Variants in CCNL2 observed in about 807,000 individuals in gnomAD.
The protein encoded by CCNL2 is cyclin L2.
A neutral mutation model predicts 59.1 loss-of-function variants in CCNL2; 28 were observed. The observed-to-expected ratio is 0.47, with a 90% confidence interval of 0.35 to 0.65. The LOEUF is 0.65. Among genes scored for constraint, CCNL2 ranks in the 30% least tolerant of loss-of-function variants. CCNL2 has a pLI of 0.00. For missense variants in CCNL2, 714 were observed against 717.4 expected (o/e 1.00, Z 0.05); for synonymous variants, 342 against 288.6 (o/e 1.19, Z -1.88).
chr1:1,391,531 G>A (rs570719841), intron 5 of CCNL2: 12 of 1,304,720 alleles, frequency 9.2e-6, no homozygotes, highest in East Asian at 5.6e-5. Context: ...GCCTCTTCTC[G>A]GGCTCATCAG....
At chr1:1,390,093 G>A in intron 8 of CCNL2, 137 bp downstream of exon 8, 2 of 797,742 alleles carry the variant, frequency 2.5e-6, no homozygotes, top group Non-Finnish European at 4.0e-6. Flanking sequence ...ACTCCAGCCT[G>A]GGTGACAGAG....
rs1390163755 is a variant in CCNL2, at chr1:1,387,191, C to G, written c.*40G>C. The G allele has an allele frequency of 2.6e-6, 4 of 1,547,274 alleles. No homozygotes were observed. The East Asian group carries it at 9.0e-5, about 35-fold the overall frequency. ...CAAAGGGCAGCCATCAGGTACTCCC[C>G]AGGGAAGGGCTTGCGGCCACCAGTC... On this transcript the variant is annotated 3_prime_UTR_variant, in exon 11 of 11. Transcript: ENST00000400809.
At chr1:1,398,148 T>C (rs1645149282) in intron 3 of CCNL2, 85 bp downstream of exon 3, 1 of 1,282,878 alleles carries the variant, frequency 7.8e-7, no homozygotes, top group South Asian at 1.3e-5. Context: ...AGGCCTGTAT[T>C]GTGTTATACA....
chr1:1,390,300 G>T lies in CCNL2; in HGVS notation c.936C>A (p.Ala312=). 3 of 1,613,960 alleles carry T rather than the reference G, an allele frequency of 1.9e-6. No homozygotes were observed. The highest frequency in any genetic ancestry group is 2.5e-6 in the Non-Finnish European group (3 of 1,179,930). Residue 312 remains alanine (A), a synonymous_variant, in exon 8 of 11, where the codon GCC becomes GCA. Transcript: ENST00000400809. Reference sequence around the variant, plus strand: ...GTGTGCCCCCAGGCAACAGGCCCCGGGCTTGGGCCTTTGCCTCTTCGATAG... The same window carrying T: ...GTGTGCCCCCAGGCAACAGGCCCCGTGCTTGGGCCTTTGCCTCTTCGATAG... ...KHAIEEAKAQ[A]RGLLPGGTQV...
In CCNL2 at chr1:1,396,810, C is replaced by G. The variant is rs868369532; in HGVS notation, c.474-1296G>C. On this transcript the variant is annotated intron_variant, in intron 3 of 10. Transcript: ENST00000400809. ...GTCGCCCAGGCTGGAGTGCAGTGGC[C>G]CGATCTCAGCTCACTGCAAGCTCCA... is the stretch of plus-strand genomic sequence containing the variant. Among the ~76,000 whole-genome samples, 9 of 150,088 alleles carry G rather than the reference C, an allele frequency of 6.0e-5. No homozygotes were observed. The South Asian group carries it at 1.3e-3, about 21-fold the overall frequency.
At chr1:1,396,181 T>A (rs1645009216) in intron 3 of CCNL2, among the ~76,000 whole-genome samples, 1 of 99,520 alleles carries the variant, frequency 1.0e-5, no homozygotes, top group African/African-American at 4.4e-5. Context: ...ACAGTGAGAG[T>A]CCGTCTCAGA....
chr1:1,391,645 A>G (rs952599671), intron 5 of CCNL2: 14 of 857,078 alleles, frequency 1.6e-5, no homozygotes, highest in African/African-American at 7.1e-5. Context: ...GAGAAGCAAC[A>G]TAATACTGAA....
chr1:1,398,162 C>T, intron 3 of CCNL2, 71 bp downstream of exon 3: 1 of 1,437,194 alleles, frequency 7.0e-7, no homozygotes, highest in Non-Finnish European at 9.8e-7. Flanking sequence ...TTATACAAGC[C>T]TTACTGTAAC....
intron 5 of CCNL2, chr1:1,391,104 C>G: frequency 8.4e-7 from 1 of 1,192,956 alleles, no homozygotes; most frequent in Non-Finnish European, 1.1e-6. Context: ...AAAAAAAAAG[C>G]TGGCTGAATG....
rs1644449366 is a variant in CCNL2, at chr1:1,386,156, C to CA, written c.*1074dup. The CA allele has an allele frequency of 6.6e-6, 1 of 152,234 alleles. No individual in the cohort carries two copies. Among genetic ancestry groups the CA allele is most frequent in the Admixed American group, 6.5e-5 (1 of 15,284 alleles). The allele number at this position is 152,234 out of a possible 1,614,324, so 9.4% of individuals were successfully genotyped here. ...GTGCCACCCCCGTGGGGTGACCCTC[C>CA]AAGTGTCCTGCTCCCAGCTGCCTCT... is the stretch of plus-strand genomic sequence containing the variant. On this transcript the variant is annotated 3_prime_UTR_variant, in exon 11 of 11. Transcript: ENST00000400809.
At chr1:1,396,575 T>TG (rs1238376237) in intron 3 of CCNL2, among the ~76,000 whole-genome samples, 3 of 133,356 alleles carry the variant, frequency 2.2e-5, no homozygotes, top group Non-Finnish European at 4.8e-5. Flanking sequence ...AAGGCTGTTT[T>TG]TTTTTTTTTT....
In CCNL2 at chr1:1,398,748, G is replaced by A. The variant is rs534212679; in HGVS notation, c.289-77C>T. ...GCGGCCGAAAGTCATCGAGTAACGT[G>A]GGACTCCCCACGCAGAACCAAACAC... is the stretch of plus-strand genomic sequence containing the variant. On this transcript the variant is annotated intron_variant, in intron 1 of 10. Coordinates refer to ENST00000400809, the MANE Select transcript of CCNL2 (RefSeq NM_030937.6). 131 of 1,362,168 alleles carry A rather than the reference G, an allele frequency of 9.6e-5. 2 individuals carry two copies. The South Asian group carries it at 1.5e-3, about 15-fold the overall frequency. 84.4% of individuals were successfully genotyped at this position (1,362,168 alleles called of 1,614,324 possible).
Position 1,387,791 on chromosome 1 carries a change from CG to C in CCNL2, c.1196del (p.Ala399GlyfsTer128). ...QSYSRSPSRS[A>X]SPKRRKSDSG... ...GAGGCACACACCTCCTCTTAGGAGA[CG>C]CTGATCGGGATGGGGACCTCGAGTA... On this transcript the variant is annotated frameshift_variant, in exon 10 of 11. Transcript: ENST00000400809. LOFTEE classifies it high-confidence loss of function. 1 of 1,612,402 alleles carries C rather than the reference CG, an allele frequency of 6.2e-7. No homozygotes were observed. Among genetic ancestry groups the C allele is most frequent in the Non-Finnish European group, 8.5e-7 (1 of 1,179,424 alleles).
intron 8 of CCNL2, chr1:1,388,638 G>C (rs1365728694): frequency 2.4e-6 from 1 of 415,970 alleles, no homozygotes; most frequent in East Asian, 7.1e-5. Context: ...GAGCGTGGTG[G>C]TGGGCGCCTG....
intron 8 of CCNL2, chr1:1,388,299 G>T: frequency 1.9e-6 from 1 of 521,278 alleles, no homozygotes; most frequent in Non-Finnish European, 3.5e-6. Context: ...GAGGAGGGCG[G>T]ATCACAAAGT....
At chr1:1,388,484 G>C in intron 8 of CCNL2, 1 of 454,666 alleles carries the variant, frequency 2.2e-6, no homozygotes, top group Non-Finnish European at 4.4e-6. Context: ...TCACGCCACA[G>C]TACTCACCTG....
intron 1 of CCNL2, 29 bp downstream of exon 1, chr1:1,398,990 G>A (rs769654842): frequency 1.3e-6 from 2 of 1,572,722 alleles, no homozygotes; most frequent in Non-Finnish European, 1.7e-6. Context: ...GCGGTTACCT[G>A]GGCCGGAGGC....
chr1:1,398,545 G>C, intron 2 of CCNL2, 52 bp downstream of exon 2: 1 of 1,593,988 alleles, frequency 6.3e-7, no homozygotes, highest in Non-Finnish European at 8.6e-7. Context: ...GTAACAAACC[G>C]TTTTACCCTC....
In CCNL2 at chr1:1,387,313, C is replaced by G; in HGVS notation, c.1481G>C (p.Arg494Pro). Residue 494 changes from arginine to proline, a missense_variant, in exon 11 of 11, where the codon CGA becomes CCA. This residue lies in a region of CCNL2 where 403 missense variants were observed against 377.7 expected (regional missense o/e 1.07). Coordinates refer to ENST00000400809, the MANE Select transcript of CCNL2 (RefSeq NM_030937.6). ...KKKSHYYRDQ[R>P]RERSRSYERT... ...TTCATACGACCTCGAGCGCTCTCGTCGCTGATCTCTGTAGTAATGACTTTT... is the reference window on the plus strand; with the variant it reads ...TTCATACGACCTCGAGCGCTCTCGTGGCTGATCTCTGTAGTAATGACTTTT... The G allele has an allele frequency of 6.2e-7, 1 of 1,613,928 alleles. No homozygotes were observed.
Sources: gnomAD v4.1 joint callset for allele counts (sites outside exome capture counted in the v4.1 genomes callset) on GRCh38, gnomAD v4.1.1 for gene constraint, gnomAD v4.1.1 regional missense constraint, MANE v1.5 for transcripts, NCBI Gene and HGNC (gene_info 2026-07-23, HGNC 2026-07-21) for gene names.